Variants in MSR1 observed in about 807,000 individuals in gnomAD.
The protein encoded by MSR1 is macrophage scavenger receptor 1, also known as macrophage scavenger receptor types I and II.
A neutral mutation model predicts 47.2 loss-of-function variants in MSR1; 53 were observed. The ratio of observed to expected loss-of-function variants is 1.12; its 90% confidence interval spans 0.90 to 1.41. The LOEUF (loss-of-function observed/expected upper bound fraction) is 1.41. MSR1 is among the 40% of genes most tolerant of loss of function. MSR1 has a pLI of 0.00. For synonymous variants in MSR1, 239 were observed against 185.6 expected, an observed-to-expected ratio of 1.29 and a Z score of -2.34; for missense variants, 786 against 546.9, an observed-to-expected ratio of 1.44 and a Z score of -4.36.
At position 16,177,873 on chromosome 8, in the gene MSR1, C is replaced by T. The variant is rs767497372; in HGVS notation, c.103+13G>A. ...GAACAACCTCCATGGGCAGCCCATC[C>T]CCCTCTACTTACTCGGAGGAAGCAA... On this transcript the variant is annotated intron_variant, in intron 2 of 9. Transcript: ENST00000262101. 1 of 1,608,634 alleles carries T rather than the reference C, an allele frequency of 6.2e-7. No homozygotes were observed. Among genetic ancestry groups the T allele is most frequent in the East Asian group, 2.2e-5 (1 of 44,792 alleles).
At chr8:16,117,412 G>T (rs1311290543) in intron 9 of MSR1, among the ~76,000 whole-genome samples, 2 of 152,092 alleles carry the variant, frequency 1.3e-5, no homozygotes, top group African/African-American at 4.8e-5. Context: ...AGAGACAATA[G>T]TAAATCAATT....
At chr8:16,190,807 C>T (rs1353468910) in intron 1 of MSR1, among the ~76,000 whole-genome samples, 5 of 151,248 alleles carry the variant, frequency 3.3e-5, no homozygotes, top group East Asian at 1.9e-4. Flanking sequence ...CCACAACCTC[C>T]GCCTCCTGGG....
chr8:16,130,680 G>A (rs1800234726), intron 8 of MSR1, among the ~76,000 whole-genome samples: 1 of 151,848 alleles, frequency 6.6e-6, no homozygotes, highest in Non-Finnish European at 1.5e-5. Context: ...TCCCTTCTTT[G>A]TGTCCGTATC....
chr8:16,177,414 G>A (rs567753810), intron 2 of MSR1, among the ~76,000 whole-genome samples: 4 of 152,214 alleles, frequency 2.6e-5, no homozygotes, highest in Non-Finnish European at 5.9e-5. Flanking sequence ...GTAGCCCGTA[G>A]AAGCTGGGAG....
chr8:16,142,783 A>C (rs566723751), intron 8 of MSR1, among the ~76,000 whole-genome samples: 3 of 152,110 alleles, frequency 2.0e-5, no homozygotes, highest in Non-Finnish European at 2.9e-5. Flanking sequence ...TACCTATCCC[A>C]TGGACACACA....
intron 9 of MSR1, among the ~76,000 whole-genome samples, chr8:16,115,849 A>G (rs1382813087): frequency 6.6e-6 from 1 of 152,026 alleles, no homozygotes; most frequent in African/African-American, 2.4e-5. Flanking sequence ...TTAGCCAGGT[A>G]TGTGGTGCAG....
rs138142765 is a variant in MSR1, at chr8:16,162,889, T to C, written c.817+1176A>G. Among the ~76,000 whole-genome samples, 183 of 151,854 alleles carry C rather than the reference T, an allele frequency of 1.2e-3. 1 individual carries two copies. The highest frequency in any genetic ancestry group is 4.3e-3 in the African/African-American group (180 of 41,446). On this transcript the variant is annotated intron_variant, in intron 5 of 9. Coordinates refer to ENST00000262101, the MANE Select transcript of MSR1 (RefSeq NM_138715.3). ...CTGACTACTTTTCCCTAATTAAGGCTCCACAAGATTGTCTGTATAAAAAAA... is the reference window on the plus strand; with the variant it reads ...CTGACTACTTTTCCCTAATTAAGGCCCCACAAGATTGTCTGTATAAAAAAA...
intron 8 of MSR1, among the ~76,000 whole-genome samples, chr8:16,123,282 T>C (rs1800047981): frequency 6.6e-6 from 1 of 152,136 alleles, no homozygotes; most frequent in Admixed American, 6.5e-5. Context: ...TGAAGTAATA[T>C]AGAGGAAAGG....
chr8:16,174,237 G>A (rs770827943), intron 3 of MSR1, among the ~76,000 whole-genome samples: 1 of 139,924 alleles, frequency 7.1e-6, no homozygotes, highest in Non-Finnish European at 1.6e-5. Flanking sequence ...ACTTTGGCCT[G>A]GTCTTTAGGA....
At chr8:16,125,470 C>G (rs1307691800) in intron 8 of MSR1, among the ~76,000 whole-genome samples, 2 of 152,068 alleles carry the variant, frequency 1.3e-5, no homozygotes, top group Admixed American at 1.3e-4. Context: ...TGACATATCT[C>G]TGCTGATTCA....
chr8:16,164,981 T>C (rs2117171840), intron 4 of MSR1, among the ~76,000 whole-genome samples: 1 of 152,258 alleles, frequency 6.6e-6, no homozygotes, highest in South Asian at 2.1e-4. Context: ...TAGAGACTGA[T>C]ATTTTCAGTA....
intron 1 of MSR1, among the ~76,000 whole-genome samples, chr8:16,190,940 T>C (rs1299161420): frequency 3.3e-5 from 5 of 151,960 alleles, no homozygotes; most frequent in Non-Finnish European, 5.9e-5. Flanking sequence ...AGGCTGGTCT[T>C]GAACTCCCGA....
chr8:16,178,044 T>A (rs1047070388), intron 1 of MSR1, 52 bp from the exon 2 acceptor site: 7 of 1,375,734 alleles, frequency 5.1e-6, no homozygotes, highest in Non-Finnish European at 7.2e-6. Flanking sequence ...TGGCTAGGGC[T>A]CTTTTGCATA....
At chr8:16,149,976 A>G (rs996640084) in intron 7 of MSR1, among the ~76,000 whole-genome samples, 9 of 151,600 alleles carry the variant, frequency 5.9e-5, no homozygotes, top group Non-Finnish European at 1.0e-4. Flanking sequence ...CCTCGGGTGA[A>G]CAGAAGTCAG....
At chr8:16,177,483 C>T (rs529629795) in intron 2 of MSR1, among the ~76,000 whole-genome samples, 2 of 151,888 alleles carry the variant, frequency 1.3e-5, no homozygotes, top group Non-Finnish European at 1.5e-5. Flanking sequence ...TTTCTGACAC[C>T]TGCATTTTAG....
Position 16,149,022 on chromosome 8 carries a change from T to C in MSR1, c.979+1209A>G, listed in dbSNP as rs535004842. On this transcript the variant is annotated intron_variant, in intron 7 of 9. Transcript: ENST00000262101. ...AAAAAGATCAGCAGCTGCCAAGAGA[T>C]TGTGGTGGGGAGGAATAGAGTTGGT... Among the ~76,000 whole-genome samples, 10 of 152,012 alleles carry C rather than the reference T, an allele frequency of 6.6e-5. No individual in the cohort carries two copies. In the East Asian group the frequency reaches 1.4e-3, roughly 21 times the overall value.
intron 8 of MSR1, among the ~76,000 whole-genome samples, chr8:16,130,367 C>T (rs1261133933): frequency 1.3e-5 from 2 of 152,160 alleles, no homozygotes; most frequent in Non-Finnish European, 2.9e-5. Context: ...TGCAAATTCT[C>T]ACAGCATTTC....
chr8:16,125,004 G>A (rs779208375), intron 8 of MSR1, among the ~76,000 whole-genome samples: 1 of 152,064 alleles, frequency 6.6e-6, no homozygotes, highest in African/African-American at 2.4e-5. Context: ...AGGAAAGATT[G>A]ATTTAACTGG....
chr8:16,123,477 T>G (rs1800054050), intron 8 of MSR1, among the ~76,000 whole-genome samples: 1 of 152,134 alleles, frequency 6.6e-6, no homozygotes, highest in South Asian at 2.1e-4. Context: ...GTAAAGAATG[T>G]CTGTCGTTTC....
Sources: gnomAD v4.1 joint callset for allele counts (sites outside exome capture counted in the v4.1 genomes callset) on GRCh38, gnomAD v4.1.1 for gene constraint, MANE v1.5 for transcripts, NCBI Gene and HGNC (gene_info 2026-07-23, HGNC 2026-07-21) for gene names.